Variants in PCSK2 observed in about 807,000 individuals in gnomAD.
PCSK2 encodes the protein neuroendocrine convertase 2.
A neutral mutation model predicts 69.7 loss-of-function variants in PCSK2; 14 were observed. That is an observed-to-expected ratio of 0.20 (90% CI 0.13 to 0.31). The LOEUF is 0.31. PCSK2 is among the 10% of genes least tolerant of loss of function. PCSK2 has a pLI of 1.00. For missense variants in PCSK2, 544 were observed against 842.5 expected (o/e 0.65, Z 4.39); for synonymous variants, 307 against 320.7 (o/e 0.96, Z 0.46).
chr20:17,244,111 T>C (rs1436701482), intron 1 of PCSK2, among the ~76,000 whole-genome samples: 1 of 152,226 alleles, frequency 6.6e-6, no homozygotes, highest in Non-Finnish European at 1.5e-5. Flanking sequence ...CATCTACAAC[T>C]TATTCTCAAA....
At position 17,453,898 on chromosome 20, in the gene PCSK2, T is replaced by A. The variant is rs1265272742; in HGVS notation, c.1042T>A (p.Ser348Thr). The part of the protein sequence containing the change: ...GRTALYDESC[S>T]STLASTFSNG... ...GACTGCCCTGTACGACGAGAGCTGC[T>A]CTTCCACCTTGGCTTCCACCTTCAG... Residue 348 changes from serine (S) to threonine (T), a missense_variant, in exon 9 of 12, where the codon TCT (serine) becomes ACT (threonine). This residue lies in a region of PCSK2 where 187 missense variants were observed against 399.8 expected (regional missense o/e 0.47). Coordinates refer to ENST00000262545, the MANE Select transcript of PCSK2 (RefSeq NM_002594.5). The surrounding 1 kb of genome is among the most constrained non-coding windows in gnomAD (Gnocchi z 4.0). 6.2e-7 allele frequency: 1 copy of A among 1,614,212 alleles called. No homozygotes were observed. Among genetic ancestry groups the A allele is most frequent in the East Asian group, 2.2e-5 (1 of 44,884 alleles).
chr20:17,394,585 G>A (rs1047076491), intron 5 of PCSK2, among the ~76,000 whole-genome samples: 1 of 152,154 alleles, frequency 6.6e-6, no homozygotes, highest in East Asian at 1.9e-4. Flanking sequence ...AAAATGCCAC[G>A]AATGTTGGTG....
chr20:17,272,500 T>G (rs976893410), intron 2 of PCSK2, among the ~76,000 whole-genome samples: 1 of 152,108 alleles, frequency 6.6e-6, no homozygotes, highest in African/African-American at 2.4e-5. Context: ...TTTTTTGAAT[T>G]TTCATCTTAT....
chr20:17,317,193 C>T (rs1201385302), intron 2 of PCSK2, among the ~76,000 whole-genome samples: 2 of 152,206 alleles, frequency 1.3e-5, no homozygotes, highest in Admixed American at 6.5e-5. Flanking sequence ...AGTTCCCAAA[C>T]TCTCCCTAAT....
intron 2 of PCSK2, among the ~76,000 whole-genome samples, chr20:17,311,697 T>C (rs1401242097): frequency 1.3e-5 from 2 of 152,110 alleles, no homozygotes; most frequent in Non-Finnish European, 2.9e-5. Flanking sequence ...CCTAGTACAG[T>C]ACATTTTTAG....
chr20:17,247,736 A>G (rs184576353), intron 1 of PCSK2, among the ~76,000 whole-genome samples: 1 of 152,378 alleles, frequency 6.6e-6, no homozygotes, highest in Non-Finnish European at 1.5e-5. Flanking sequence ...GACCCTCTGG[A>G]GCATCTACAG....
At chr20:17,308,882 C>T (rs933755794) in intron 2 of PCSK2, among the ~76,000 whole-genome samples, 2 of 152,136 alleles carry the variant, frequency 1.3e-5, no homozygotes, top group African/African-American at 4.8e-5. Flanking sequence ...AGCAGAGGCT[C>T]CCAGGCTTCT....
chr20:17,338,157 C>A (rs1297278425), intron 2 of PCSK2, among the ~76,000 whole-genome samples: 6 of 122,570 alleles, frequency 4.9e-5, no homozygotes, highest in African/African-American at 6.1e-5. Context: ...TGAGAAGAAA[C>A]CTTACATTTT....
intron 1 of PCSK2, among the ~76,000 whole-genome samples, chr20:17,257,082 GA>G (rs375081760): frequency 8.6e-5 from 13 of 151,474 alleles, no homozygotes; most frequent in African/African-American, 3.1e-4. Context: ...AAATTTACAA[GA>G]AAAAAAACCC....
At chr20:17,309,804 C>G (rs116870051) in intron 2 of PCSK2, among the ~76,000 whole-genome samples, 2 of 146,410 alleles carry the variant, frequency 1.4e-5, no homozygotes, top group African/African-American at 5.1e-5. Context: ...GGTGACAGAG[C>G]GAGACTCCAT....
intron 5 of PCSK2, among the ~76,000 whole-genome samples, chr20:17,404,394 C>T (rs1010718393): frequency 2.0e-5 from 3 of 152,200 alleles, no homozygotes; most frequent in Admixed American, 6.5e-5. Flanking sequence ...ACAGGACACT[C>T]GTAGGTTGAG....
At chr20:17,438,720 G>A (rs1237310400) in intron 8 of PCSK2, among the ~76,000 whole-genome samples, 1 of 152,138 alleles carries the variant, frequency 6.6e-6, no homozygotes, top group African/African-American at 2.4e-5. Context: ...CTTGACGATG[G>A]AATCTTCTCT....
intron 2 of PCSK2, among the ~76,000 whole-genome samples, chr20:17,270,267 G>T (rs1361464362): frequency 6.6e-6 from 1 of 152,000 alleles, no homozygotes; most frequent in African/African-American, 2.4e-5. Context: ...TTTCCTTTTT[G>T]ATGCCTATTG....
chr20:17,382,261 TG>T (rs1296005706), intron 5 of PCSK2, among the ~76,000 whole-genome samples: 1 of 152,232 alleles, frequency 6.6e-6, no homozygotes, highest in Non-Finnish European at 1.5e-5. Flanking sequence ...GAGTATTTAC[TG>T]TGTGTTTGGC....
chr20:17,275,112 T>TATATATATATAA (rs1555783895), intron 2 of PCSK2, among the ~76,000 whole-genome samples: 1 of 135,256 alleles, frequency 7.4e-6, no homozygotes, highest in African/African-American at 2.7e-5. Context: ...TATATATATA[T>TATATATATATAA]AATGTTGGGC....
intron 4 of PCSK2, among the ~76,000 whole-genome samples, chr20:17,366,445 C>T (rs550918773): frequency 7.9e-5 from 12 of 152,162 alleles, no homozygotes; most frequent in South Asian, 2.1e-4. Flanking sequence ...TCAGGTTCTA[C>T]GTCTAAATCA....
chr20:17,329,477 A>G (rs2123148541), intron 2 of PCSK2, among the ~76,000 whole-genome samples: 1 of 152,348 alleles, frequency 6.6e-6, no homozygotes, highest in South Asian at 2.1e-4. Context: ...AAACAAACAC[A>G]TTCTGTTTTA....
intron 5 of PCSK2, among the ~76,000 whole-genome samples, chr20:17,386,886 T>C (rs2031250351): frequency 6.6e-6 from 1 of 152,162 alleles, no homozygotes; most frequent in Non-Finnish European, 1.5e-5. Flanking sequence ...CAGCACATCC[T>C]CCCAAGTGAG....
chr20:17,340,975 C>T (rs543651107), intron 2 of PCSK2, among the ~76,000 whole-genome samples: 80 of 152,258 alleles, frequency 5.3e-4, no homozygotes, highest in Non-Finnish European at 9.0e-4. Flanking sequence ...ATTGGCCGGG[C>T]GCAGTGGCTC....
Sources: gnomAD v4.1 joint callset for allele counts (sites outside exome capture counted in the v4.1 genomes callset) on GRCh38, gnomAD v4.1.1 for gene constraint, gnomAD v4.1.1 regional missense constraint, Gnocchi (gnomAD v3.1) non-coding constraint, MANE v1.5 for transcripts, NCBI Gene and HGNC (gene_info 2026-07-23, HGNC 2026-07-21) for gene names.